The following F8 variants were observed in gnomAD, a reference collection of about 807,000 sequenced individuals.
The protein encoded by F8 is coagulation factor VIII.
Under a neutral mutation model 140.6 loss-of-function variants are expected in F8, and 12 were observed. That is an observed-to-expected ratio of 0.09 (90% confidence interval 0.05 to 0.14). F8 has a LOEUF of 0.14. Ranked by LOEUF, F8 falls within the 10% of genes least tolerant of loss-of-function variation. The pLI, the probability that F8 is intolerant of heterozygous loss-of-function variation, is 1.00. For synonymous variants in F8, 585 were observed against 614.6 expected, an observed-to-expected ratio of 0.95 and a Z score of 0.71; for missense variants, 1,354 against 1,720.7, an observed-to-expected ratio of 0.79 and a Z score of 3.77.
intron 22 of F8, among the ~76,000 whole-genome samples, chrX:154,890,916 C>G (rs115125838): frequency 3.3e-4 from 37 of 112,520 alleles, no homozygotes; most frequent in African/African-American, 1.1e-3. Flanking sequence ...ACCCTCATGC[C>G]AAAACCTGGT....
intron 14 of F8, among the ~76,000 whole-genome samples, chrX:154,922,455 A>G (rs188431463): frequency 8.9e-6 from 1 of 112,653 alleles, no homozygotes; most frequent in East Asian, 2.8e-4. Flanking sequence ...ACATTGAACA[A>G]TACCTCCAAA....
At chrX:154,925,350 C>G (rs1448682049) in intron 14 of F8, among the ~76,000 whole-genome samples, 1 of 112,093 alleles carries the variant, frequency 8.9e-6, no homozygotes, top group Non-Finnish European at 1.9e-5. Context: ...GCTCAGGGCA[C>G]CCACACAGAG....
intron 1 of F8, among the ~76,000 whole-genome samples, chrX:155,021,841 AG>A (rs1408259316): frequency 1.8e-5 from 2 of 112,022 alleles, no homozygotes; most frequent in Non-Finnish European, 3.8e-5. Flanking sequence ...AAGAAGAGGT[AG>A]AAAAATCTGA....
chrX:155,022,021 A>C (rs1260906655), intron 1 of F8, among the ~76,000 whole-genome samples: 1 of 111,795 alleles, frequency 8.9e-6, no homozygotes, highest in Non-Finnish European at 1.9e-5. Flanking sequence ...ACACAAGAGA[A>C]CCAGACATGA....
chrX:154,915,886 A>G (rs2073094233), intron 14 of F8, among the ~76,000 whole-genome samples: 1 of 111,835 alleles, frequency 8.9e-6, no homozygotes, highest in South Asian at 3.7e-4. Context: ...CTTGTTCCAG[A>G]TCTTAGAGGA....
chrX:154,873,164 C>T (rs1603431942), intron 22 of F8, among the ~76,000 whole-genome samples: 1 of 105,856 alleles, frequency 9.4e-6, no homozygotes, highest in Non-Finnish European at 1.9e-5. Flanking sequence ...GTGTTCTTCA[C>T]AGAAATAAAA....
intron 1 of F8, among the ~76,000 whole-genome samples, chrX:155,004,591 G>A (rs1569560038): frequency 8.9e-6 from 1 of 112,139 alleles, no homozygotes. Context: ...AGCTACTGAT[G>A]TTGTTAATGT....
chrX:154,841,341 T>C (rs2148557444), intron 25 of F8, among the ~76,000 whole-genome samples: 1 of 107,785 alleles, frequency 9.3e-6, no homozygotes, highest in African/African-American at 3.4e-5. Flanking sequence ...TATAGATGGG[T>C]TATGGGTGGT....
intron 22 of F8, among the ~76,000 whole-genome samples, chrX:154,871,858 A>C (rs1759544913): frequency 8.9e-6 from 1 of 112,267 alleles, no homozygotes; most frequent in Non-Finnish European, 1.9e-5. Context: ...CAAGAAAAAA[A>C]CAAACAACCC....
At chrX:154,983,045 G>T (rs1201860553) in intron 6 of F8, among the ~76,000 whole-genome samples, 1 of 111,982 alleles carries the variant, frequency 8.9e-6, no homozygotes, top group Admixed American at 9.4e-5. Context: ...TGTGCAGGGG[G>T]TTAGTACCCC....
intron 22 of F8, among the ~76,000 whole-genome samples, chrX:154,891,487 T>A (rs2072943350): frequency 8.9e-6 from 1 of 112,718 alleles, no homozygotes; most frequent in African/African-American, 3.2e-5. Flanking sequence ...CAGGCTTATT[T>A]GTTATGTGTT....
intron 9 of F8, among the ~76,000 whole-genome samples, chrX:154,961,387 C>CTCAAG (rs1323077412): frequency 9.0e-6 from 1 of 111,661 alleles, no homozygotes; most frequent in Non-Finnish European, 1.9e-5. Flanking sequence ...ATCTGTGATG[C>CTCAAG]TCAAGTCTCT....
At chrX:154,996,088 AT>A (rs1408766224) in intron 3 of F8, among the ~76,000 whole-genome samples, 1 of 112,056 alleles carries the variant, frequency 8.9e-6, no homozygotes, top group Non-Finnish European at 1.9e-5. Context: ...AAAAGATAAA[AT>A]TGCATTGGCC....
At chrX:154,837,804 T>A in intron 25 of F8, 52 bp from the exon 26 acceptor site, 1 of 1,132,470 alleles carries the variant, frequency 8.8e-7, no homozygotes, top group South Asian at 1.8e-5. Flanking sequence ...CAATGGTCAC[T>A]GCAAAGCACA....
At chrX:154,877,331 TGAGA>T (rs1163018014) in intron 22 of F8, among the ~76,000 whole-genome samples, 3 of 110,538 alleles carry the variant, frequency 2.7e-5, no homozygotes, top group Non-Finnish European at 5.7e-5. Flanking sequence ...GCCTTGAAAG[TGAGA>T]GAGAGAGGCA....
intron 14 of F8, among the ~76,000 whole-genome samples, chrX:154,924,933 A>G (rs1569559644): frequency 8.9e-6 from 1 of 111,909 alleles, no homozygotes; most frequent in African/African-American, 3.2e-5. Flanking sequence ...CAGCATGGGG[A>G]TCCTGGGCCC....
chrX:154,856,082 G>A (rs1380854958), intron 25 of F8, among the ~76,000 whole-genome samples: 3 of 112,349 alleles, frequency 2.7e-5, no homozygotes, highest in Non-Finnish European at 5.6e-5. Flanking sequence ...CAGACCAAAA[G>A]ATGGCCCACA....
intron 5 of F8, 127 bp from the exon 6 acceptor site, chrX:154,984,930 A>G (rs1445455457): frequency 1.8e-6 from 1 of 555,627 alleles, no homozygotes; most frequent in African/African-American, 2.2e-5. Context: ...AAGTAGGCAC[A>G]CAGCACTTAT....
chrX:154,978,299 G>A (rs1557283193), intron 6 of F8, among the ~76,000 whole-genome samples: 2 of 110,581 alleles, frequency 1.8e-5, no homozygotes, highest in African/African-American at 3.3e-5. Context: ...AAAAACCAAT[G>A]GTCACATATA....
Sources: gnomAD v4.1 joint callset for allele counts (sites outside exome capture counted in the v4.1 genomes callset) on GRCh38, gnomAD v4.1.1 for gene constraint, MANE v1.5 for transcripts, NCBI Gene and HGNC (gene_info 2026-07-23, HGNC 2026-07-21) for gene names.